Variants in COL4A5 observed in about 807,000 individuals in gnomAD.
COL4A5 encodes collagen alpha-5(IV) chain.
In COL4A5, 26 loss-of-function variants were observed where a neutral mutation model predicts 130.2. The ratio of observed to expected loss-of-function variants is 0.20; its 90% CI spans 0.15 to 0.28. The LOEUF is 0.28. Among genes scored for constraint, COL4A5 ranks in the 10% least tolerant of loss-of-function variants. The pLI is 1.00. For missense variants in COL4A5, 1,131 were observed against 1,344.3 expected, an observed-to-expected ratio of 0.84 and a Z score of 2.48; for synonymous variants, 496 against 439.6, an observed-to-expected ratio of 1.13 and a Z score of -1.60.
intron 3 of COL4A5, among the ~76,000 whole-genome samples, chrX:108,563,083 G>A (rs1162770619): frequency 9.0e-6 from 1 of 111,212 alleles, no homozygotes; most frequent in East Asian, 2.8e-4. Context: ...TTGTATATAT[G>A]AACCATAACT....
intron 1 of COL4A5, among the ~76,000 whole-genome samples, chrX:108,496,991 A>G (rs1157845680): frequency 1.8e-5 from 2 of 111,947 alleles, no homozygotes; most frequent in Non-Finnish European, 1.9e-5. Flanking sequence ...TAATCACTCC[A>G]TAGAGAAATC....
chrX:108,560,369 C>A (rs1353659556), intron 3 of COL4A5, among the ~76,000 whole-genome samples: 2 of 112,582 alleles, frequency 1.8e-5, no homozygotes, highest in East Asian at 5.6e-4. Context: ...AGTTGGCCAG[C>A]AGGCAGCTAA....
chrX:108,580,751 A>G lies in COL4A5; in HGVS notation c.891+13A>G, dbSNP rs367722651. 1.3e-5 allele frequency: 15 copies of G among 1,198,426 alleles called. No homozygotes were observed. The African/African-American group carries it at 1.9e-4, about 15-fold the overall frequency. On this transcript the variant is annotated intron_variant, in intron 15 of 52. Coordinates refer to ENST00000328300, the MANE Select transcript of COL4A5 (RefSeq NM_033380.3). ...GCCAGGCAAAAGAGTAAGTGATGTAACTGCTAATATTCTTTGCAAAAAAAT... is the reference window on the plus strand; with the variant it reads ...GCCAGGCAAAAGAGTAAGTGATGTAGCTGCTAATATTCTTTGCAAAAAAAT...
At chrX:108,529,942 A>C (rs776967768) in intron 1 of COL4A5, among the ~76,000 whole-genome samples, 71 of 111,678 alleles carry the variant, frequency 6.4e-4, no homozygotes, top group Middle Eastern at 4.6e-3. Flanking sequence ...AATAGATGAC[A>C]ATACAATCAA....
chrX:108,451,206 G>T (rs1167783900), intron 1 of COL4A5, among the ~76,000 whole-genome samples: 2 of 111,023 alleles, frequency 1.8e-5, no homozygotes, highest in Non-Finnish European at 3.8e-5. Flanking sequence ...AGTATTCCAT[G>T]GTGTATATGT....
chrX:108,582,579 A>G (rs2066268540), intron 16 of COL4A5: 1 of 273,239 alleles, frequency 3.7e-6, no homozygotes, highest in East Asian at 7.7e-5. Flanking sequence ...AAAATGCCAC[A>G]AAGCTCTGAG....
At chrX:108,511,499 G>A (rs898584054) in intron 1 of COL4A5, among the ~76,000 whole-genome samples, 3 of 111,365 alleles carry the variant, frequency 2.7e-5, no homozygotes, top group Non-Finnish European at 3.8e-5. Context: ...TAAGAGATCC[G>A]GAATAGTCAA....
rs141991961 is a variant in COL4A5, at chrX:108,491,369, G to A, written c.82-48377G>A. On this transcript the variant is annotated intron_variant, in intron 1 of 52. Transcript: ENST00000328300. ...AAGTGTGACGCTTCATTTATTAATT[G>A]TTTGCTATGATTTAACTACTAAATG... Among the ~76,000 whole-genome samples, 432 of 111,695 alleles carry A rather than the reference G, an allele frequency of 3.9e-3. 3 individuals carry two copies. Among genetic ancestry groups the A allele is most frequent in the African/African-American group, 0.013 (412 of 30,782 alleles).
At chrX:108,634,155 C>G (rs1173275618) in intron 36 of COL4A5, among the ~76,000 whole-genome samples, 1 of 98,623 alleles carries the variant, frequency 1.0e-5, no homozygotes, top group African/African-American at 3.8e-5. Context: ...AGCAATGTGA[C>G]ATTTTACAAA....
At chrX:108,592,817 T>C (rs1462646459) in intron 21 of COL4A5, among the ~76,000 whole-genome samples, 1 of 109,069 alleles carries the variant, frequency 9.2e-6, no homozygotes, top group Non-Finnish European at 1.9e-5. Context: ...AACCAAAATA[T>C]AGAACATTTT....
At chrX:108,559,637 T>C (rs1446594158) in intron 3 of COL4A5, among the ~76,000 whole-genome samples, 1 of 112,170 alleles carries the variant, frequency 8.9e-6, no homozygotes, top group African/African-American at 3.2e-5. Flanking sequence ...GGAAATCATT[T>C]GACTGCTGAG....
At chrX:108,661,700 A>C in intron 37 of COL4A5, among the ~76,000 whole-genome samples, 1 of 110,944 alleles carries the variant, frequency 9.0e-6, no homozygotes, top group South Asian at 3.8e-4. Context: ...GATTCTATTA[A>C]ATTTCTTGAA....
chrX:108,476,376 G>C (rs2064832958), intron 1 of COL4A5, among the ~76,000 whole-genome samples: 1 of 109,737 alleles, frequency 9.1e-6, no homozygotes, highest in African/African-American at 3.3e-5. Context: ...TGTAAAATGG[G>C]GTATCCGTCC....
At chrX:108,446,197 C>T (rs1488222819) in intron 1 of COL4A5, among the ~76,000 whole-genome samples, 1 of 111,671 alleles carries the variant, frequency 9.0e-6, no homozygotes, top group Non-Finnish European at 1.9e-5. Flanking sequence ...TGGGCTTATT[C>T]TACATATAGT....
intron 36 of COL4A5, among the ~76,000 whole-genome samples, chrX:108,639,881 A>G (rs1300415873): frequency 1.8e-5 from 2 of 112,278 alleles, no homozygotes; most frequent in Admixed American, 9.4e-5. Context: ...AAAAAACAGT[A>G]AATAACAAGT....
intron 47 of COL4A5, among the ~76,000 whole-genome samples, chrX:108,682,710 A>G (rs1324026961): frequency 2.7e-5 from 3 of 111,721 alleles, no homozygotes; most frequent in Non-Finnish European, 5.6e-5. Flanking sequence ...GTGTCTGTTC[A>G]TATCCTTTGC....
chrX:108,676,033 T>G (rs904514222), intron 43 of COL4A5, among the ~76,000 whole-genome samples: 2 of 112,011 alleles, frequency 1.8e-5, no homozygotes, highest in African/African-American at 6.5e-5. Context: ...AGCTCCAAAG[T>G]CCTGTGTTCT....
chrX:108,468,071 A>G (rs192014955), intron 1 of COL4A5, among the ~76,000 whole-genome samples: 1 of 111,860 alleles, frequency 8.9e-6, no homozygotes, highest in Non-Finnish European at 1.9e-5. Context: ...TTTTATATAC[A>G]TCTTATACAC....
chrX:108,489,338 T>A (rs1262454080), intron 1 of COL4A5, among the ~76,000 whole-genome samples: 1 of 111,591 alleles, frequency 9.0e-6, no homozygotes, highest in East Asian at 2.8e-4. Context: ...GCTATCAAAG[T>A]CTGTCATGTA....
Sources: allele counts gnomAD v4.1 joint callset (sites outside exome capture counted in the v4.1 genomes callset), GRCh38; gene constraint gnomAD v4.1.1; transcripts MANE v1.5; gene names NCBI Gene and HGNC (gene_info 2026-07-23, HGNC 2026-07-21).